Variants in NR2F1-AS1 observed in about 807,000 individuals in gnomAD.
The protein encoded by NR2F1-AS1 is NR2F1 regulatory antisense RNA 1.
intron 4 of NR2F1-AS1, among the ~76,000 whole-genome samples, chr5:93,418,490 G>A (rs1431622422): frequency 6.6e-6 from 1 of 152,084 alleles, no homozygotes; most frequent in Non-Finnish European, 1.5e-5. Flanking sequence ...GGGAGGCTGA[G>A]GCAGAGAATC....
At chr5:93,491,137 G>A (rs971079476) in intron 4 of NR2F1-AS1, among the ~76,000 whole-genome samples, 17 of 151,050 alleles carry the variant, frequency 1.1e-4, no homozygotes, top group Non-Finnish European at 1.5e-4. Flanking sequence ...TGGTAGTCCC[G>A]GTAATGGTGG....
intron 4 of NR2F1-AS1, among the ~76,000 whole-genome samples, chr5:93,484,207 T>A (rs1201989432): frequency 6.6e-6 from 1 of 152,142 alleles, no homozygotes; most frequent in African/African-American, 2.4e-5. Flanking sequence ...GAGAGAAAGA[T>A]CGGGTTACCC....
chr5:93,416,128 C>G (rs1478302541), intron 4 of NR2F1-AS1, among the ~76,000 whole-genome samples: 1 of 152,168 alleles, frequency 6.6e-6, no homozygotes, highest in Non-Finnish European at 1.5e-5. Flanking sequence ...GCTTATGAAA[C>G]AGGGGAAACA....
At chr5:93,538,036 C>A (rs898896499) in intron 4 of NR2F1-AS1, among the ~76,000 whole-genome samples, 1 of 152,064 alleles carries the variant, frequency 6.6e-6, no homozygotes. Flanking sequence ...TGTGAGTGAG[C>A]CTTGCAATGG....
intron 1 of NR2F1-AS1, among the ~76,000 whole-genome samples, chr5:93,572,630 A>G (rs535261848): frequency 6.6e-6 from 1 of 152,316 alleles, no homozygotes; most frequent in East Asian, 1.9e-4. Flanking sequence ...GCTTCCAGGT[A>G]CAAACACCAC....
intron 4 of NR2F1-AS1, chr5:93,409,965 A>G (rs1297253668): frequency 6.6e-6 from 1 of 152,132 alleles, no homozygotes. Context: ...AAGCTGACAC[A>G]TTTTCAATTC....
chr5:93,498,244 G>T (rs1751006601), intron 4 of NR2F1-AS1, among the ~76,000 whole-genome samples: 1 of 151,900 alleles, frequency 6.6e-6, no homozygotes, highest in Non-Finnish European at 1.5e-5. Flanking sequence ...AATATATTTT[G>T]GGAGGTTCTG....
intron 4 of NR2F1-AS1, among the ~76,000 whole-genome samples, chr5:93,491,118 T>G (rs1580272300): frequency 6.8e-6 from 1 of 146,946 alleles, no homozygotes; most frequent in African/African-American, 2.6e-5. Flanking sequence ...GTGATGAGAG[T>G]GGTGGTGGTG....
At chr5:93,468,488 G>A (rs972584957) in intron 4 of NR2F1-AS1, among the ~76,000 whole-genome samples, 3 of 152,086 alleles carry the variant, frequency 2.0e-5, no homozygotes, top group Non-Finnish European at 4.4e-5. Context: ...CCCACTTTTT[G>A]ATGGGGTTGT....
At chr5:93,582,854 C>A (rs879443958), upstream of NR2F1-AS1, among the ~76,000 whole-genome samples, 1 of 151,804 alleles carries the variant, frequency 6.6e-6, no homozygotes, top group Admixed American at 6.6e-5. Flanking sequence ...CAGCGCAGGG[C>A]GATCTCAATG....
intron 4 of NR2F1-AS1, among the ~76,000 whole-genome samples, chr5:93,423,423 A>C (rs1749132558): frequency 6.6e-6 from 1 of 152,172 alleles, no homozygotes; most frequent in Admixed American, 6.5e-5. Context: ...GCCTCTGGGA[A>C]CCATGGGTGG....
intron 4 of NR2F1-AS1, among the ~76,000 whole-genome samples, chr5:93,437,942 G>A (rs1335682440): frequency 6.6e-6 from 1 of 152,158 alleles, no homozygotes; most frequent in African/African-American, 2.4e-5. Flanking sequence ...TCTTACTGTT[G>A]AAAGGTAATT....
chr5:93,468,060 GA>G (rs1278462899), intron 4 of NR2F1-AS1, among the ~76,000 whole-genome samples: 4 of 152,182 alleles, frequency 2.6e-5, no homozygotes, highest in Non-Finnish European at 4.4e-5. Context: ...ATCATTGATG[GA>G]CATTTGGGTT....
At chr5:93,525,906 A>T (rs1197624835) in intron 4 of NR2F1-AS1, among the ~76,000 whole-genome samples, 1 of 152,230 alleles carries the variant, frequency 6.6e-6, no homozygotes, top group African/African-American at 2.4e-5. Context: ...AGAAAGCAAT[A>T]AAGGTCTGAA....
chr5:93,428,717 T>C (rs939730219), intron 4 of NR2F1-AS1, among the ~76,000 whole-genome samples: 1 of 152,220 alleles, frequency 6.6e-6, no homozygotes, highest in African/African-American at 2.4e-5. Context: ...ATGCTTGTGA[T>C]TGTACAGGTA....
intron 4 of NR2F1-AS1, chr5:93,409,465 A>G (rs958460637): frequency 2.0e-5 from 3 of 152,242 alleles, no homozygotes; most frequent in African/African-American, 4.8e-5. Context: ...AGACTACACT[A>G]GGCACCAGGA....
intron 4 of NR2F1-AS1, among the ~76,000 whole-genome samples, chr5:93,522,486 A>G (rs1751522224): frequency 6.6e-6 from 1 of 152,276 alleles, no homozygotes. Context: ...AAAAATGAAC[A>G]GTATGATGGG....
chr5:93,445,525 C>T (rs1238593470), intron 4 of NR2F1-AS1, among the ~76,000 whole-genome samples: 12 of 151,602 alleles, frequency 7.9e-5, no homozygotes, highest in Admixed American at 1.3e-4. Flanking sequence ...AATAGACCAA[C>T]AACAGGCTCT....
At chr5:93,435,080 TAA>T (rs1749406119) in intron 4 of NR2F1-AS1, among the ~76,000 whole-genome samples, 1 of 152,210 alleles carries the variant, frequency 6.6e-6, no homozygotes, top group Non-Finnish European at 1.5e-5. Context: ...TAAGATCTTG[TAA>T]ATATGCTGGT....
Sources: allele counts gnomAD v4.1 joint callset (sites outside exome capture counted in the v4.1 genomes callset), GRCh38; gene constraint gnomAD v4.1.1; transcripts MANE v1.5; gene names NCBI Gene and HGNC (gene_info 2026-07-23, HGNC 2026-07-21).